NCOR2: variants seen among roughly 807,000 people sequenced by gnomAD.
The protein encoded by NCOR2 is nuclear receptor corepressor 2.
A neutral mutation model predicts 262.9 loss-of-function variants in NCOR2; 81 were observed. That is an observed-to-expected ratio of 0.31 (90% CI 0.26 to 0.37). The LOEUF is 0.37. Among genes scored for constraint, NCOR2 ranks in the 10% least tolerant of loss-of-function variants. NCOR2 has a pLI of 1.00. For missense variants in NCOR2, 3,385 were observed against 3,621.4 expected (o/e 0.93, Z 1.68); for synonymous variants, 1,659 against 1,559.3 (o/e 1.06, Z -1.51).
At position 124,476,271 on chromosome 12, in the gene NCOR2, G is replaced by A. The variant is rs149019510; in HGVS notation, c.412-3140C>T. Among the ~76,000 whole-genome samples, 490 of 152,324 alleles carry A rather than the reference G, an allele frequency of 3.2e-3. 2 individuals are homozygous for A. The highest frequency in any genetic ancestry group is 0.01 in the African/African-American group (426 of 41,578). On this transcript the variant is annotated intron_variant, in intron 3 of 46. Coordinates refer to ENST00000405201, the Ensembl canonical transcript of NCOR2. ...ACGCCACCGCCCAGGCCCTCACTGC[G>A]GTCCACCTTGGGTGCTTGGCTGGTC...
chr12:124,552,916 C>T (rs986257438), intron 1 of NCOR2, among the ~76,000 whole-genome samples: 7 of 152,206 alleles, frequency 4.6e-5, no homozygotes, highest in African/African-American at 1.7e-4. Context: ...AACTCCTGGC[C>T]TCAAGCGATC....
intron 6 of NCOR2, among the ~76,000 whole-genome samples, chr12:124,452,199 G>A (rs2045588841): frequency 6.6e-6 from 1 of 152,250 alleles, no homozygotes; most frequent in African/African-American, 2.4e-5. Flanking sequence ...CTTCCCAGTG[G>A]AGGGAAGGGG....
At chr12:124,543,859 C>T (rs2051457628) in intron 1 of NCOR2, among the ~76,000 whole-genome samples, 1 of 152,230 alleles carries the variant, frequency 6.6e-6, no homozygotes, top group South Asian at 2.1e-4. Flanking sequence ...GCCCCCTCAC[C>T]CTCACAGGCA....
intron 1 of NCOR2, chr12:124,529,927 A>ACATTTAC (rs1566029802): frequency 6.6e-6 from 1 of 152,200 alleles, no homozygotes; most frequent in African/African-American, 2.4e-5. Context: ...AACTAAAATA[A>ACATTTAC]CACATTTACC....
chr12:124,335,017 C>T lies in NCOR2; in HGVS notation c.6411+118G>A. On this transcript the variant is annotated intron_variant, in intron 40 of 46. Transcript: ENST00000405201. ...GCCCTGGATCCCCCCAGCGCCATGC[C>T]CTGGATCCCCCAGCCACCCCGCCAG... 18 of 1,508,662 alleles carry T rather than the reference C, an allele frequency of 1.2e-5. No individual in the cohort carries two copies. The South Asian group carries it at 1.9e-4, about 16-fold the overall frequency. 93.5% of individuals were successfully genotyped at this position (1,508,662 alleles called of 1,614,324 possible). A position where few individuals can be genotyped will look rare whatever the true frequency, so the allele number is the denominator to read the frequency against.
At chr12:124,366,998 A>G (rs949758970) in intron 20 of NCOR2, among the ~76,000 whole-genome samples, 1 of 152,250 alleles carries the variant, frequency 6.6e-6, no homozygotes, top group Non-Finnish European at 1.5e-5. Flanking sequence ...GAAAAATAAA[A>G]TATAAATTTT....
intron 8 of NCOR2, among the ~76,000 whole-genome samples, chr12:124,434,669 G>T (rs1239615482): frequency 6.6e-6 from 1 of 152,186 alleles, no homozygotes; most frequent in Non-Finnish European, 1.5e-5. Context: ...GGAACCATGG[G>T]GGGCTGTCAA....
chr12:124,379,790 C>A (rs1413335515), intron 17 of NCOR2, among the ~76,000 whole-genome samples: 1 of 152,158 alleles, frequency 6.6e-6, no homozygotes, highest in Non-Finnish European at 1.5e-5. Flanking sequence ...TGGGGTGGGC[C>A]CTAAATCCAA....
At chr12:124,330,795 G>A (rs2035120501) in intron 44 of NCOR2, 50 bp downstream of exon 46, 1 of 1,539,800 alleles carries the variant, frequency 6.5e-7, no homozygotes, top group Non-Finnish European at 8.8e-7. Context: ...GGGGTGGGGA[G>A]GGAGCGGAGG....
rs2048889062 is a variant in NCOR2 at position 124,503,685 on chromosome 12, TGG to T, written c.-117-8319_-117-8318del. On this transcript the variant is annotated intron_variant, in intron 1 of 46. Coordinates refer to the NCOR2 transcript ENST00000404621. This position sits in a 1 kb window ranked among gnomAD's most constrained non-coding sequence, Gnocchi z 4.3. ...ATGGACGGGTGAATGGATGGATGGA[TGG>T]ATGGATGGATGGATGGATGGATGGA... is the stretch of plus-strand genomic sequence containing the variant. Among the ~76,000 whole-genome samples, 3 of 146,072 alleles carry T rather than the reference TGG, an allele frequency of 2.1e-5. No homozygotes were observed. Among genetic ancestry groups the T allele is most frequent in the African/African-American group, 7.8e-5 (3 of 38,658 alleles).
At chr12:124,355,385 A>G in intron 24 of NCOR2, 47 bp downstream of exon 26, 1 of 1,599,864 alleles carries the variant, frequency 6.3e-7, no homozygotes, top group South Asian at 1.1e-5. Flanking sequence ...CCCCCACTTT[A>G]CAGATAAGAA....
At chr12:124,448,037 C>G (rs2045291412) in intron 7 of NCOR2, among the ~76,000 whole-genome samples, 1 of 152,212 alleles carries the variant, frequency 6.6e-6, no homozygotes, top group Non-Finnish European at 1.5e-5. Context: ...GGTTCTGTCT[C>G]CACTGCTAGA....
At chr12:124,546,998 TA>T (rs887487243) in intron 1 of NCOR2, among the ~76,000 whole-genome samples, 1 of 152,192 alleles carries the variant, frequency 6.6e-6, no homozygotes, top group Non-Finnish European at 1.5e-5. Context: ...TATTTATTTT[TA>T]TTTTTTTTGA....
At chr12:124,502,803 C>T (rs948285610) in intron 1 of NCOR2, among the ~76,000 whole-genome samples, 1 of 152,142 alleles carries the variant, frequency 6.6e-6, no homozygotes, top group Non-Finnish European at 1.5e-5. Flanking sequence ...GCCCCTGTGT[C>T]GAGGAGCACT....
At position 124,440,094 on chromosome 12, in the gene NCOR2, G is replaced by A. The variant is rs936805476; in HGVS notation, c.816-2098C>T. ...GCCTGGGGGGCCACAGCGACCTCAG[G>A]AGCCTGCTGTGCACCTTAACTTGCT... On this transcript the variant is annotated intron_variant, in intron 7 of 46. Coordinates refer to ENST00000405201, the Ensembl canonical transcript of NCOR2. The surrounding 1 kb of genome is among the most constrained non-coding windows in gnomAD (Gnocchi z 5.7). Among the ~76,000 whole-genome samples, 3 of 152,136 alleles carry A rather than the reference G, an allele frequency of 2.0e-5. No individual in the cohort carries two copies. Among genetic ancestry groups the A allele is most frequent in the African/African-American group, 4.8e-5 (2 of 41,410 alleles).
chr12:124,426,870 G>T, intron 10 of NCOR2, 70 bp from the exon 13 acceptor site: 1 of 1,437,004 alleles, frequency 7.0e-7, no homozygotes, highest in Non-Finnish European at 9.3e-7. Context: ...GGGGACCCAG[G>T]GAAGACACAG....
chr12:124,441,516 C>T (rs956929122), intron 7 of NCOR2, among the ~76,000 whole-genome samples: 1 of 152,176 alleles, frequency 6.6e-6, no homozygotes, highest in African/African-American at 2.4e-5. Flanking sequence ...AACAGAAAAT[C>T]GTCATTAGAA....
At chr12:124,336,892 G>A in exon 38 of NCOR2, 1 of 1,605,628 alleles carries the variant, frequency 6.2e-7, no homozygotes. Flanking sequence ...CAGGGGTGCG[G>A]GCGATGGTGG....
chr12:124,465,942 C>G (rs2046392311), intron 5 of NCOR2, among the ~76,000 whole-genome samples: 1 of 152,242 alleles, frequency 6.6e-6, no homozygotes, highest in East Asian at 1.9e-4. Context: ...TGACCAGCCA[C>G]AGTCCACACC....
Sources: allele counts gnomAD v4.1 joint callset (sites outside exome capture counted in the v4.1 genomes callset), GRCh38; gene constraint gnomAD v4.1.1; non-coding constraint Gnocchi (gnomAD v3.1); transcripts MANE v1.5; gene names NCBI Gene and HGNC (gene_info 2026-07-23, HGNC 2026-07-21).